Variants in NRAP observed in about 807,000 individuals in gnomAD.
NRAP encodes the protein nebulin-related-anchoring protein.
NRAP carries 189 observed loss-of-function variants against 225.9 expected under a neutral mutation model. That is an observed-to-expected ratio of 0.84 (90% CI 0.74 to 0.94). NRAP has a LOEUF of 0.94. Ranked by LOEUF, NRAP falls within the 40% of genes least tolerant of loss-of-function variation. The probability of loss-of-function intolerance (pLI) is 0.00; values close to 1 mark genes in which losing one functional copy is unlikely to be tolerated. For missense variants in NRAP, 2,176 were observed against 2,168.7 expected (o/e 1.00, Z -0.07); for synonymous variants, 769 against 790.7 (o/e 0.97, Z 0.46).
chr10:113,651,592 T>A (rs918970957), intron 7 of NRAP, among the ~76,000 whole-genome samples: 3 of 152,148 alleles, frequency 2.0e-5, no homozygotes, highest in Non-Finnish European at 4.4e-5. Flanking sequence ...ACATGGGGTG[T>A]TTGGTTTTCT....
intron 10 of NRAP, 144 bp downstream of exon 10, chr10:113,646,779 T>C (rs1240470022): frequency 6.0e-6 from 4 of 662,374 alleles, no homozygotes; most frequent in Non-Finnish European, 5.5e-6. Flanking sequence ...GCAGGCATCA[T>C]AAATTTGGAT....
chr10:113,591,061 T>G (rs1188272068), intron 39 of NRAP, among the ~76,000 whole-genome samples, 172 bp from the exon 40 acceptor site: 1 of 152,102 alleles, frequency 6.6e-6, no homozygotes, highest in Non-Finnish European at 1.5e-5. Context: ...GTTACTGAGT[T>G]TCTCCATGAG....
At chr10:113,655,685 G>C (rs975924101) in intron 4 of NRAP, among the ~76,000 whole-genome samples, 1 of 151,982 alleles carries the variant, frequency 6.6e-6, no homozygotes, top group Non-Finnish European at 1.5e-5. Flanking sequence ...CCTGACCTCA[G>C]GTGATCCACC....
At chr10:113,597,396 G>T (rs1846344379) in intron 36 of NRAP, among the ~76,000 whole-genome samples, 1 of 152,098 alleles carries the variant, frequency 6.6e-6, no homozygotes, top group Non-Finnish European at 1.5e-5. Flanking sequence ...TTACTCTCTT[G>T]AAGAGAGAGG....
At chr10:113,651,751 G>A (rs1015485960) in intron 7 of NRAP, 52 bp downstream of exon 7, 2 of 1,035,814 alleles carry the variant, frequency 1.9e-6, no homozygotes, top group African/African-American at 1.6e-5. Context: ...GCAAAGATGA[G>A]GAATCAACCC....
At chr10:113,651,982 T>A in intron 6 of NRAP, 75 bp from the exon 7 acceptor site, 1 of 899,172 alleles carries the variant, frequency 1.1e-6, no homozygotes, top group Non-Finnish European at 1.9e-6. Context: ...GTGGCTCTCC[T>A]AAAGCTGCAC....
intron 22 of NRAP, 143 bp downstream of exon 22, chr10:113,624,683 C>T: frequency 1.6e-6 from 1 of 637,110 alleles, no homozygotes; most frequent in South Asian, 1.9e-5. Flanking sequence ...GCCAGATCTG[C>T]TGGGTGAGCT....
intron 38 of NRAP, among the ~76,000 whole-genome samples, chr10:113,595,238 T>G (rs1276460216): frequency 6.6e-6 from 1 of 152,166 alleles, no homozygotes; most frequent in Non-Finnish European, 1.5e-5. Context: ...CTATCTCCAG[T>G]GACACTACTC....
rs200419128 is a variant in NRAP, at chr10:113,616,851, G to GT, written c.2973+603dup. 1.3e-4 allele frequency among the ~76,000 whole-genome samples: 20 copies of GT among 151,964 alleles called. 1 individual carries two copies. Among genetic ancestry groups the GT allele is most frequent in the South Asian group, 1.3e-3 (6 of 4,794 alleles). ...ACAGGGTTAATCTACATCACAAAGT[G>GT]TTTTTTTTCAGCACCTCATCGTTCA... On this transcript the variant is annotated intron_variant, in intron 26 of 41. Coordinates refer to ENST00000359988, the MANE Select transcript of NRAP (RefSeq NM_198060.4).
chr10:113,637,455 T>G (rs959434974), intron 14 of NRAP, among the ~76,000 whole-genome samples: 5 of 152,220 alleles, frequency 3.3e-5, no homozygotes, highest in Admixed American at 6.5e-5. Flanking sequence ...GATTATTTGT[T>G]ATATTACAGA....
chr10:113,630,602 T>G (rs1848525315), intron 18 of NRAP, among the ~76,000 whole-genome samples: 1 of 152,168 alleles, frequency 6.6e-6, no homozygotes, highest in South Asian at 2.1e-4. Flanking sequence ...CACATGGCTT[T>G]GGGAAAGACA....
chr10:113,637,251 C>T (rs1179093688), intron 14 of NRAP, among the ~76,000 whole-genome samples: 1 of 152,168 alleles, frequency 6.6e-6, no homozygotes. Context: ...TCCCACCACC[C>T]TATGGTTAGG....
At chr10:113,657,035 A>T (rs543999476) in intron 4 of NRAP, among the ~76,000 whole-genome samples, 1 of 152,302 alleles carries the variant, frequency 6.6e-6, no homozygotes, top group Non-Finnish European at 1.5e-5. Flanking sequence ...AGGGACACCT[A>T]GGAAGCTGGG....
At chr10:113,589,258 G>C in intron 41 of NRAP, 179 bp from the exon 42 acceptor site, 1 of 596,858 alleles carries the variant, frequency 1.7e-6, no homozygotes, top group South Asian at 2.2e-5. Context: ...GAATGAGAAA[G>C]CAAAGCCAAT....
At chr10:113,612,825 C>T (rs755468221) in intron 29 of NRAP, among the ~76,000 whole-genome samples, 2 of 152,176 alleles carry the variant, frequency 1.3e-5, no homozygotes, top group Non-Finnish European at 2.9e-5. Flanking sequence ...AGTTCAGACA[C>T]GAGGGATTCT....
chr10:113,648,114 T>C (rs978916663), intron 9 of NRAP, among the ~76,000 whole-genome samples: 3 of 152,032 alleles, frequency 2.0e-5, no homozygotes, highest in Non-Finnish European at 2.9e-5. Flanking sequence ...GTGCCCTCAT[T>C]AGGCTCACGA....
chr10:113,598,354 TAAAG>T (rs1407869070), intron 35 of NRAP, among the ~76,000 whole-genome samples: 1 of 150,576 alleles, frequency 6.6e-6, no homozygotes, highest in Non-Finnish European at 1.5e-5. Flanking sequence ...GACGATCGCA[TAAAG>T]AAAGAGCTGA....
chr10:113,591,234 A>AAGAT (rs1845970391), intron 39 of NRAP, among the ~76,000 whole-genome samples: 1 of 152,246 alleles, frequency 6.6e-6, no homozygotes, highest in African/African-American at 2.4e-5. Flanking sequence ...CTCCAACAGG[A>AAGAT]AGATAAATGT....
At chr10:113,592,633 G>C (rs1846059175) in intron 38 of NRAP, among the ~76,000 whole-genome samples, 1 of 152,146 alleles carries the variant, frequency 6.6e-6, no homozygotes, top group Non-Finnish European at 1.5e-5. Context: ...CAGTGCTTCG[G>C]GTTTGCAGCT....
Sources: gnomAD v4.1 joint callset for allele counts (sites outside exome capture counted in the v4.1 genomes callset) on GRCh38, gnomAD v4.1.1 for gene constraint, MANE v1.5 for transcripts, NCBI Gene and HGNC (gene_info 2026-07-23, HGNC 2026-07-21) for gene names.